AKT1: variants seen among roughly 807,000 people sequenced by gnomAD.
AKT1 encodes the protein RAC-alpha serine/threonine-protein kinase.
Under a neutral mutation model 63.1 loss-of-function variants are expected in AKT1, and 21 were observed. The ratio of observed to expected loss-of-function variants is 0.33; its 90% CI spans 0.24 to 0.48. The LOEUF (loss-of-function observed/expected upper bound fraction) is 0.48, where lower values mean the gene tolerates loss of function less well. AKT1 is among the 20% of genes least tolerant of loss of function. AKT1 has a pLI of 0.99. For synonymous variants in AKT1, 257 were observed against 253.1 expected, an observed-to-expected ratio of 1.02 and a Z score of -0.15; for missense variants, 382 against 666.0, an observed-to-expected ratio of 0.57 and a Z score of 4.69.
chr14:104,771,031 G>A (rs540582046), intron 13 of AKT1, 184 bp from the exon 14 acceptor site: 9 of 601,604 alleles, frequency 1.5e-5, no homozygotes, highest in African/African-American at 1.5e-4. Context: ...GACATGAGGG[G>A]TGCAGGAGCA....
At chr14:104,774,426 C>T (rs1228041487) in intron 8 of AKT1, 3 of 229,976 alleles carry the variant, frequency 1.3e-5, no homozygotes, top group South Asian at 8.0e-5. Flanking sequence ...AGGACACACC[C>T]TCCCAGGCGA....
intron 3 of AKT1, 44 bp downstream of exon 3, chr14:104,792,554 C>CTGT (rs751708275): frequency 3.1e-6 from 5 of 1,609,154 alleles, no homozygotes. Context: ...GCTACTACCC[C>CTGT]CATCTCTCCC....
intron 5 of AKT1, chr14:104,776,069 AGC>A: frequency 4.4e-6 from 1 of 229,874 alleles, no homozygotes; most frequent in Non-Finnish European, 7.2e-6. Flanking sequence ...TCCGCCCCCC[AGC>A]AGGACTCCGC....
intron 3 of AKT1, among the ~76,000 whole-genome samples, chr14:104,782,525 G>A (rs61759800): frequency 0.013 from 1,921 of 152,326 alleles, 20 homozygotes; most frequent in Non-Finnish European, 0.02. Context: ...ATCTGGGGGT[G>A]CGGGAGGGGC....
intron 11 of AKT1, 63 bp from the exon 12 acceptor site, chr14:104,773,155 G>A (rs924241695): frequency 6.2e-7 from 1 of 1,610,092 alleles, no homozygotes; most frequent in Non-Finnish European, 8.5e-7. Flanking sequence ...TGCCGGGGGA[G>A]GTGTGACGTG....
intron 3 of AKT1, among the ~76,000 whole-genome samples, chr14:104,790,173 C>G (rs1566825775): frequency 6.6e-6 from 1 of 152,244 alleles, no homozygotes. Flanking sequence ...GGGGATTCAG[C>G]TGAGAACCAA....
In AKT1 at chr14:104,773,963, G is replaced by A; in HGVS notation, c.651C>T (p.Phe217=). The change falls in exon 9 of 15, where the codon TTC becomes TTT. Residue 217 remains phenylalanine (F), a synonymous_variant. Coordinates refer to ENST00000649815, the MANE Select transcript of AKT1 (RefSeq NM_001382430.1). ...CAAAGCAGAGGCGGTCGTGGGTCTG[G>A]AAAGAGTACTTCAGGGCCTGCAAGG... ...HPFLTALKYS[F]QTHDRLCFVM... The A allele has an allele frequency of 1.9e-6, 3 of 1,612,564 alleles. No individual in the cohort carries two copies. Among genetic ancestry groups the A allele is most frequent in the Non-Finnish European group, 2.5e-6 (3 of 1,179,128 alleles).
In AKT1 at chr14:104,791,316, G is replaced by T. The variant is rs146877186; in HGVS notation, c.46+1282C>A. On this transcript the variant is annotated intron_variant, in intron 3 of 14. Coordinates refer to ENST00000649815, the MANE Select transcript of AKT1 (RefSeq NM_001382430.1). ...GGTGAGGAGAGGACCTCCAGGCACA[G>T]GTGGCAGGACTCCTGGGGAACAAGC... 1.2e-3 allele frequency among the ~76,000 whole-genome samples: 190 copies of T among 152,128 alleles called. 5 individuals carry two copies. In the South Asian group the frequency reaches 0.029, roughly 23 times the overall value.
At chr14:104,781,886 CCT>C (rs1241756387) in intron 3 of AKT1, among the ~76,000 whole-genome samples, 5 of 152,178 alleles carry the variant, frequency 3.3e-5, no homozygotes, top group Admixed American at 6.5e-5. Flanking sequence ...AGAATCTGCC[CCT>C]GTGCCCAAGA....
At chr14:104,775,962 T>C (rs1892679477) in intron 5 of AKT1, 163 bp from the exon 6 acceptor site, 4 of 781,802 alleles carry the variant, frequency 5.1e-6, no homozygotes, top group Non-Finnish European at 7.9e-6. Flanking sequence ...CCACATACAC[T>C]CAGGGTCACG....
At chr14:104,770,583 C>T (rs1233604783) in intron 14 of AKT1, 162 bp downstream of exon 14, 9 of 914,558 alleles carry the variant, frequency 9.8e-6, no homozygotes, top group East Asian at 7.9e-5. Flanking sequence ...GACCTGGGCC[C>T]TCAGAGCACT....
Position 104,773,935 on chromosome 14 carries a change from T to C in AKT1, c.679A>G (p.Met227Val). 1.9e-6 allele frequency: 3 copies of C among 1,612,640 alleles called. No homozygotes were observed. The South Asian group carries it at 3.3e-5, about 18-fold the overall frequency. ...FQTHDRLCFV[M>V]EYANGGELFF... The stretch of plus-strand genomic sequence containing the variant: ...ACCTCGCCCCCGTTGGCGTACTCCA[T>C]GACAAAGCAGAGGCGGTCGTGGGTC... Residue 227 changes from methionine (M) to valine (V), a missense_variant, in exon 9 of 15, where the codon ATG becomes GTG. Met to Val is a conservative substitution (Grantham distance 21). Transcript: ENST00000649815.
intron 12 of AKT1, 31 bp downstream of exon 12, chr14:104,772,847 G>A (rs773553859): frequency 1.9e-6 from 3 of 1,586,868 alleles, no homozygotes; most frequent in South Asian, 1.1e-5. Context: ...GGATGGAGGT[G>A]TAGCCTGTAG....
In AKT1 at chr14:104,773,328, C is replaced by T. The variant is rs2140905559; in HGVS notation, c.880G>A (p.Gly294Arg). ...KDGHIKITDF[G>R]LCKEGIKDGA... is the part of the protein sequence containing the mutation. ...TCCTTGATCCCCTCCTTGCACAGCC[C>T]GAAGTCTGTGATCTTAATGTGCCCG... is the stretch of plus-strand genomic sequence containing the variant. Residue 294 changes from glycine to arginine, a missense_variant, in exon 11 of 15, where the codon GGG (glycine) becomes AGG (arginine). This residue lies in a region of AKT1 where 66 missense variants were observed against 179.1 expected (regional missense o/e 0.37). Transcript: ENST00000649815. 1 of 1,614,204 alleles carries T rather than the reference C, an allele frequency of 6.2e-7. No individual in the cohort carries two copies. Among genetic ancestry groups the T allele is most frequent in the Non-Finnish European group, 8.5e-7 (1 of 1,180,012 alleles).
chr14:104,771,969 G>T (rs974287650), intron 13 of AKT1: 3 of 361,938 alleles, frequency 8.3e-6, no homozygotes, highest in Admixed American at 8.8e-5. Context: ...AGGGATTGAG[G>T]TCAAACAGGA....
At chr14:104,773,623 C>T (rs1483860108) in intron 9 of AKT1, 43 bp from the exon 10 acceptor site, 2 of 1,575,370 alleles carry the variant, frequency 1.3e-6, no homozygotes, top group Non-Finnish European at 1.7e-6. Context: ...GCTCGGGCCT[C>T]TGCCCCCATG....
chr14:104,780,659 G>A (rs1458940157), intron 3 of AKT1, among the ~76,000 whole-genome samples: 2 of 152,208 alleles, frequency 1.3e-5, no homozygotes, highest in East Asian at 1.9e-4. Context: ...AACCAGGGTC[G>A]GCCAGGTGGC....
At chr14:104,777,905 A>G (rs373193403) in intron 4 of AKT1, 4 of 159,452 alleles carry the variant, frequency 2.5e-5, no homozygotes, top group African/African-American at 9.6e-5. Context: ...GCCCCGGCAC[A>G]CCCACCTCCC....
chr14:104,774,844 C>T (rs1207816422), intron 8 of AKT1, 94 bp downstream of exon 8: 5 of 1,387,340 alleles, frequency 3.6e-6, no homozygotes, highest in African/African-American at 1.4e-5. Flanking sequence ...AAAGCCCTCA[C>T]GTGCCCAAGA....
Sources: gnomAD v4.1 joint callset for allele counts (sites outside exome capture counted in the v4.1 genomes callset) on GRCh38, gnomAD v4.1.1 for gene constraint, gnomAD v4.1.1 regional missense constraint, MANE v1.5 for transcripts, NCBI Gene and HGNC (gene_info 2026-07-23, HGNC 2026-07-21) for gene names.